TULP4: variants seen among roughly 807,000 people sequenced by gnomAD.
TULP4 encodes the protein tubby-related protein 4.
TULP4 carries 16 observed loss-of-function variants against 129.0 expected under a neutral mutation model. The ratio of observed to expected loss-of-function variants is 0.12; its 90% confidence interval spans 0.08 to 0.19. The LOEUF (loss-of-function observed/expected upper bound fraction) is 0.19. TULP4 is among the 10% of genes least tolerant of loss of function. The pLI is 1.00. For synonymous variants in TULP4, 998 were observed against 854.0 expected (o/e 1.17, Z -2.94); for missense variants, 1,842 against 2,059.1 (o/e 0.89, Z 2.04).
At chr6:158,259,766 C>T (rs1249762726) in intron 1 of TULP4, among the ~76,000 whole-genome samples, 1 of 152,188 alleles carries the variant, frequency 6.6e-6, no homozygotes, top group Non-Finnish European at 1.5e-5. Flanking sequence ...TTTGGGGATT[C>T]CACCACCTTG....
intron 3 of TULP4, among the ~76,000 whole-genome samples, chr6:158,435,935 T>TTTTTA (rs1339132139): frequency 5.3e-5 from 8 of 152,112 alleles, no homozygotes; most frequent in African/African-American, 1.7e-4. Flanking sequence ...TCTTTTTTTT[T>TTTTTA]TTTTATTTTG....
At position 158,454,025 on chromosome 6, in the gene TULP4, C is replaced by CCCG. The variant is rs1779233841; in HGVS notation, c.859+1759_859+1760insGCC. On this transcript the variant is annotated intron_variant, in intron 5 of 13. Transcript: ENST00000367097. ...AATCATACCTGCCTCTGCACCGCCCCCCCCCAAGTAATTACTCTATTTTTA... is the reference window on the plus strand; with the variant it reads ...AATCATACCTGCCTCTGCACCGCCCCCCGCCCCCAAGTAATTACTCTATTTTTA... Among the ~76,000 whole-genome samples, 17 of 148,114 alleles carry CCCG rather than the reference C, an allele frequency of 1.1e-4. 2 individuals are homozygous for CCCG. The highest frequency in any genetic ancestry group is 1.5e-4 in the African/African-American group (6 of 39,730).
At chr6:158,465,667 C>G (rs1299192190) in intron 6 of TULP4, among the ~76,000 whole-genome samples, 1 of 152,172 alleles carries the variant, frequency 6.6e-6, no homozygotes, top group African/African-American at 2.4e-5. Context: ...GCTGGCCCAG[C>G]AAAACAGTCT....
intron 1 of TULP4, among the ~76,000 whole-genome samples, chr6:158,293,528 T>C (rs946261486): frequency 6.6e-6 from 1 of 152,204 alleles, no homozygotes; most frequent in African/African-American, 2.4e-5. Flanking sequence ...ATTAATTAAA[T>C]AAAAAATTAC....
intron 3 of TULP4, among the ~76,000 whole-genome samples, chr6:158,446,884 A>G (rs779480609): frequency 4.6e-5 from 7 of 152,132 alleles, no homozygotes; most frequent in Non-Finnish European, 8.8e-5. Flanking sequence ...CGCTAATCCT[A>G]TCGTGGGCGC....
At chr6:158,309,339 C>T (rs1241889315), upstream of TULP4, among the ~76,000 whole-genome samples, 14 of 144,752 alleles carry the variant, frequency 9.7e-5, 1 homozygote, top group African/African-American at 2.6e-4. Flanking sequence ...CATGGGCAGC[C>T]GGGCAGAGAC....
At chr6:158,490,179 C>T (rs537252219) in intron 9 of TULP4, among the ~76,000 whole-genome samples, 5 of 152,302 alleles carry the variant, frequency 3.3e-5, no homozygotes, top group Admixed American at 1.3e-4. Flanking sequence ...GGGTGGATCA[C>T]GAAGTCAAGA....
At chr6:158,383,945 T>C (rs893300516) in intron 1 of TULP4, among the ~76,000 whole-genome samples, 7 of 152,086 alleles carry the variant, frequency 4.6e-5, no homozygotes, top group Admixed American at 2.0e-4. Context: ...GAGAGTAAAG[T>C]AGTTGGATTT....
chr6:158,434,454 C>A (rs1219368640), intron 3 of TULP4, among the ~76,000 whole-genome samples: 1 of 152,060 alleles, frequency 6.6e-6, no homozygotes, highest in Non-Finnish European at 1.5e-5. Flanking sequence ...ATATCTGGGT[C>A]CTAAGTTGAC....
intron 3 of TULP4, among the ~76,000 whole-genome samples, chr6:158,432,275 T>C (rs765334869): frequency 2.6e-5 from 4 of 151,916 alleles, no homozygotes; most frequent in Non-Finnish European, 4.4e-5. Flanking sequence ...ATCTCTTGCT[T>C]GGTTTGATTT....
chr6:158,486,955 C>T (rs1043436783), intron 8 of TULP4, among the ~76,000 whole-genome samples: 1 of 150,520 alleles, frequency 6.6e-6, no homozygotes, highest in African/African-American at 2.4e-5. Context: ...TACTAAAATA[C>T]AAAAAAAAAT....
chr6:158,493,631 C>A lies in TULP4; in HGVS notation c.1690C>A (p.Arg564=). ...KLPRAAQELS[R]SPRLPLRKPS... ...GCCCCGGGCTGCTCAGGAGCTCTCC[C>A]GGTCCCCACGGTTGCCCCTGCGCAA... is the stretch of plus-strand genomic sequence containing the variant. The change falls in exon 10 of 14, where the codon CGG becomes AGG. Residue 564 remains arginine, a synonymous_variant. Coordinates refer to ENST00000367097, the MANE Select transcript of TULP4 (RefSeq NM_020245.5). The surrounding 1 kb of genome is among the most constrained non-coding windows in gnomAD (Gnocchi z 4.4). 1 of 1,599,188 alleles carries A rather than the reference C, an allele frequency of 6.3e-7. No individual in the cohort carries two copies. Among genetic ancestry groups the A allele is most frequent in the African/African-American group, 1.3e-5 (1 of 74,142 alleles).
At chr6:158,433,697 ACT>A (rs1468448042) in intron 3 of TULP4, among the ~76,000 whole-genome samples, 2 of 151,982 alleles carry the variant, frequency 1.3e-5, no homozygotes, top group South Asian at 2.1e-4. Flanking sequence ...CAAGAGGGAA[ACT>A]CTGTCTCAAA....
chr6:158,380,966 C>T (rs1777311294), intron 1 of TULP4, among the ~76,000 whole-genome samples: 1 of 151,170 alleles, frequency 6.6e-6, no homozygotes, highest in East Asian at 1.9e-4. Flanking sequence ...AGGCTCTTGT[C>T]CTGACACGGA....
chr6:158,232,725 C>T (rs1172952473), intron 1 of TULP4, among the ~76,000 whole-genome samples: 1 of 152,094 alleles, frequency 6.6e-6, no homozygotes, highest in Non-Finnish European at 1.5e-5. Flanking sequence ...GGAGACTGGG[C>T]TGCGCTCCTC....
upstream of TULP4, among the ~76,000 whole-genome samples, chr6:158,309,223 C>T (rs565941386): frequency 6.0e-3 from 623 of 103,348 alleles, 14 homozygotes; most frequent in Non-Finnish European, 9.7e-3. Context: ...ACGGGACGGC[C>T]GGGCAGAGAC....
chr6:158,284,513 G>A (rs1363694880), intron 1 of TULP4, among the ~76,000 whole-genome samples: 1 of 150,978 alleles, frequency 6.6e-6, no homozygotes. Flanking sequence ...ATGAGCCGCC[G>A]TGAATGAGAG....
chr6:158,323,703 A>G (rs1216168338), intron 1 of TULP4, among the ~76,000 whole-genome samples: 1 of 152,250 alleles, frequency 6.6e-6, no homozygotes, highest in Non-Finnish European at 1.5e-5. Flanking sequence ...GCTCAGGGCT[A>G]CATCATGGTT....
chr6:158,344,183 C>T (rs1182350447), intron 1 of TULP4, among the ~76,000 whole-genome samples: 1 of 152,184 alleles, frequency 6.6e-6, no homozygotes, highest in Non-Finnish European at 1.5e-5. Flanking sequence ...AAACATTGCT[C>T]CTAACTCCAC....
Sources: gnomAD v4.1 joint callset for allele counts (sites outside exome capture counted in the v4.1 genomes callset) on GRCh38, gnomAD v4.1.1 for gene constraint, Gnocchi (gnomAD v3.1) non-coding constraint, MANE v1.5 for transcripts, NCBI Gene and HGNC (gene_info 2026-07-23, HGNC 2026-07-21) for gene names.